EPHA6: variants seen among roughly 807,000 people sequenced by gnomAD.
EPHA6 encodes the protein EPH receptor A6.
EPHA6 carries 50 observed loss-of-function variants against 112.0 expected under a neutral mutation model. The ratio of observed to expected loss-of-function variants is 0.45; its 90% CI spans 0.36 to 0.56. The LOEUF (loss-of-function observed/expected upper bound fraction) is 0.56, where lower values mean the gene tolerates loss of function less well. Ranked by LOEUF, EPHA6 falls within the 20% of genes least tolerant of loss-of-function variation. The pLI is 0.00. For synonymous variants in EPHA6, 529 were observed against 490.7 expected, an observed-to-expected ratio of 1.08 and a Z score of -1.03; for missense variants, 1,280 against 1,417.4, an observed-to-expected ratio of 0.90 and a Z score of 1.56.
intron 10 of EPHA6, among the ~76,000 whole-genome samples, chr3:97,523,166 T>G (rs2092568962): frequency 6.6e-6 from 1 of 152,122 alleles, no homozygotes. Flanking sequence ...AGGCATTTAT[T>G]GCTATAAACT....
rs575648669 is a variant in EPHA6, at chr3:97,697,283, C to T, written c.2785-22978C>T. Among the ~76,000 whole-genome samples, 102 of 152,212 alleles carry T rather than the reference C, an allele frequency of 6.7e-4. 2 individuals carry two copies. In the South Asian group the frequency reaches 0.018, roughly 27 times the overall value. The stretch of plus-strand genomic sequence containing the variant: ...ATTGTTTTTAAATTTCCTTTTCAAG[C>T]CTTGGAATAATGTAGGATAGGTTTA... On this transcript the variant is annotated intron_variant, in intron 14 of 17. Transcript: ENST00000389672.
At chr3:96,999,585 G>C (rs1254618465) in intron 3 of EPHA6, among the ~76,000 whole-genome samples, 2 of 151,836 alleles carry the variant, frequency 1.3e-5, no homozygotes, top group African/African-American at 4.8e-5. Flanking sequence ...GTTGTTCTTA[G>C]CTCAGTAGTC....
intron 11 of EPHA6, among the ~76,000 whole-genome samples, chr3:97,589,145 G>A (rs951453455): frequency 1.3e-5 from 2 of 151,268 alleles, no homozygotes; most frequent in East Asian, 1.9e-4. Context: ...GTTGTATTGC[G>A]ATTTTTTCTT....
chr3:97,573,358 G>T (rs2093352966), intron 11 of EPHA6, among the ~76,000 whole-genome samples: 2 of 152,224 alleles, frequency 1.3e-5, no homozygotes, highest in East Asian at 3.9e-4. Context: ...GAGTAAAGGT[G>T]GTGACCTGGC....
In EPHA6 at chr3:97,756,026, T is replaced by C. The variant is rs987501081; in HGVS notation, c.*7325T>C. Reference sequence around the variant, plus strand: ...TGTATGCATTTAGATAGAAATTGCTTTTGTTAAATTTACATTTAAACACAT... The same window carrying C: ...TGTATGCATTTAGATAGAAATTGCTCTTGTTAAATTTACATTTAAACACAT... On this transcript the variant is annotated 3_prime_UTR_variant, in exon 18 of 18. Transcript: ENST00000389672. Among the ~76,000 whole-genome samples, 1 of 152,056 alleles carries C rather than the reference T, an allele frequency of 6.6e-6. No homozygotes were observed. The highest frequency in any genetic ancestry group is 2.4e-5 in the African/African-American group (1 of 41,458).
chr3:97,543,124 C>A (rs192324756), intron 11 of EPHA6, among the ~76,000 whole-genome samples: 2 of 152,088 alleles, frequency 1.3e-5, no homozygotes. Flanking sequence ...TCAATTTTGT[C>A]TTTTGTTGCC....
intron 13 of EPHA6, among the ~76,000 whole-genome samples, chr3:97,618,160 C>T (rs568654879): frequency 1.1e-4 from 16 of 152,126 alleles, no homozygotes; most frequent in Non-Finnish European, 2.4e-4. Context: ...AATTGTATAA[C>T]CTGCTCCTGA....
chr3:97,736,364 CTTTGTT>C (rs1326326821), intron 16 of EPHA6, among the ~76,000 whole-genome samples: 1 of 151,128 alleles, frequency 6.6e-6, no homozygotes, highest in African/African-American at 2.4e-5. Flanking sequence ...TTCTGAATTA[CTTTGTT>C]TTTATCTTTT....
At chr3:97,631,065 A>T (rs1434816535) in intron 13 of EPHA6, among the ~76,000 whole-genome samples, 2 of 151,998 alleles carry the variant, frequency 1.3e-5, no homozygotes. Context: ...ATACTATTCT[A>T]ATTCCTCCAG....
intron 3 of EPHA6, among the ~76,000 whole-genome samples, chr3:97,214,549 CT>C (rs2077979222): frequency 6.6e-6 from 1 of 150,894 alleles, no homozygotes; most frequent in African/African-American, 2.4e-5. Flanking sequence ...TTTAGTTTGC[CT>C]TTAATATATA....
At chr3:96,983,992 G>A (rs2042918141) in intron 2 of EPHA6, among the ~76,000 whole-genome samples, 1 of 152,098 alleles carries the variant, frequency 6.6e-6, no homozygotes, top group Admixed American at 6.6e-5. Flanking sequence ...TTTGCGATGG[G>A]TTCTAACTTC....
intron 3 of EPHA6, among the ~76,000 whole-genome samples, chr3:97,087,656 G>A (rs2046943303): frequency 6.6e-6 from 1 of 152,080 alleles, no homozygotes; most frequent in African/African-American, 2.4e-5. Flanking sequence ...TTGATAAAGT[G>A]GAATGTGTTA....
intron 3 of EPHA6, among the ~76,000 whole-genome samples, chr3:97,160,722 A>G (rs57978188): frequency 0.19 from 29,432 of 152,068 alleles, 3,046 homozygotes; most frequent in Middle Eastern, 0.28. Flanking sequence ...GCATTGTGCT[A>G]CAGAATTGCA....
At chr3:96,960,044 C>A (rs554499175) in intron 2 of EPHA6, among the ~76,000 whole-genome samples, 3 of 152,166 alleles carry the variant, frequency 2.0e-5, no homozygotes, top group Admixed American at 2.0e-4. Context: ...CATAAACACA[C>A]CCTGAGAAAG....
intron 3 of EPHA6, among the ~76,000 whole-genome samples, chr3:97,142,937 A>G (rs2075949985): frequency 6.6e-6 from 1 of 151,926 alleles, no homozygotes; most frequent in East Asian, 1.9e-4. Context: ...AAGGATGCCC[A>G]CTGTCACCAC....
intron 5 of EPHA6, among the ~76,000 whole-genome samples, chr3:97,328,707 G>A (rs1479791619): frequency 4.6e-5 from 7 of 151,816 alleles, no homozygotes; most frequent in East Asian, 3.9e-4. Context: ...AATTTCATGT[G>A]GTCTGACTTA....
chr3:97,028,812 T>C (rs1360419799), intron 3 of EPHA6, among the ~76,000 whole-genome samples: 1 of 152,002 alleles, frequency 6.6e-6, no homozygotes, highest in Non-Finnish European at 1.5e-5. Context: ...TTATGGATCA[T>C]AGTAAAATAT....
At chr3:97,058,882 A>G (rs1359338020) in intron 3 of EPHA6, among the ~76,000 whole-genome samples, 1 of 152,244 alleles carries the variant, frequency 6.6e-6, no homozygotes, top group Non-Finnish European at 1.5e-5. Flanking sequence ...TGATTTATCA[A>G]AAACACAAAA....
At chr3:97,719,983 A>G (rs1043270402) in intron 14 of EPHA6, among the ~76,000 whole-genome samples, 1 of 152,190 alleles carries the variant, frequency 6.6e-6, no homozygotes, top group Non-Finnish European at 1.5e-5. Context: ...AGAGGGGTTA[A>G]TTGTGTGAAT....
Sources: allele counts gnomAD v4.1 joint callset (sites outside exome capture counted in the v4.1 genomes callset), GRCh38; gene constraint gnomAD v4.1.1; transcripts MANE v1.5; gene names NCBI Gene and HGNC (gene_info 2026-07-23, HGNC 2026-07-21).